Variants in ANO3 observed in about 807,000 individuals in gnomAD.
ANO3 encodes the protein anoctamin 3, also known as anoctamin-3.
In ANO3, 99 loss-of-function variants were observed where a neutral mutation model predicts 144.8. The observed-to-expected ratio is 0.68, with a 90% CI of 0.58 to 0.81. The LOEUF (loss-of-function observed/expected upper bound fraction) is 0.81, where lower values mean the gene tolerates loss of function less well. ANO3 is among the 30% of genes least tolerant of loss of function. The pLI, the probability that ANO3 is intolerant of heterozygous loss-of-function variation, is 0.00. For missense variants in ANO3, 905 were observed against 1,202.2 expected, an observed-to-expected ratio of 0.75 and a Z score of 3.66; for synonymous variants, 414 against 392.6, an observed-to-expected ratio of 1.05 and a Z score of -0.64.
chr11:26,304,761 T>C (rs1854333647), upstream of ANO3, among the ~76,000 whole-genome samples: 1 of 152,190 alleles, frequency 6.6e-6, no homozygotes, highest in South Asian at 2.1e-4. Flanking sequence ...ACACATAGTA[T>C]GGCAACAAAC....
At chr11:26,528,190 G>C (rs1054047325) in intron 7 of ANO3, among the ~76,000 whole-genome samples, 1 of 152,206 alleles carries the variant, frequency 6.6e-6, no homozygotes, top group Middle Eastern at 3.4e-3. Context: ...TTATAAACAC[G>C]TATTGAGTAC....
At chr11:26,551,791 T>C (rs1849939576) in intron 12 of ANO3, among the ~76,000 whole-genome samples, 1 of 151,988 alleles carries the variant, frequency 6.6e-6, no homozygotes, top group Non-Finnish European at 1.5e-5. Flanking sequence ...AGAGGAGATA[T>C]AATCTTCTCT....
chr11:26,319,848 A>G (rs545938136), intron 1 of ANO3, among the ~76,000 whole-genome samples: 2 of 151,038 alleles, frequency 1.3e-5, no homozygotes, highest in Non-Finnish European at 2.9e-5. Flanking sequence ...ATTTCTTTCT[A>G]TTTTATTTTT....
intron 4 of ANO3, among the ~76,000 whole-genome samples, chr11:26,499,648 C>T (rs554012661): frequency 5.9e-5 from 9 of 151,510 alleles, no homozygotes; most frequent in South Asian, 4.2e-4. Context: ...TGTTTTATTT[C>T]GATTTTTATG....
chr11:26,419,312 C>T (rs755197060), intron 1 of ANO3, among the ~76,000 whole-genome samples: 5 of 152,064 alleles, frequency 3.3e-5, no homozygotes, highest in Admixed American at 6.6e-5. Context: ...TTGGGTAGGA[C>T]GCAGATCCAA....
chr11:26,447,905 A>G lies in ANO3; in HGVS notation c.313+4069A>G, dbSNP rs117290777. Among the ~76,000 whole-genome samples the G allele has an allele frequency of 8.4e-3, 1,272 of 152,256 alleles. 12 individuals are homozygous for G. The highest frequency in any genetic ancestry group is 0.013 in the Non-Finnish European group (907 of 68,018). ...TTGCCTACGTTTTTTTCTTCTCAGTATGCTGGAAAATGACAAGGACACAGT... is the reference window on the plus strand; with the variant it reads ...TTGCCTACGTTTTTTTCTTCTCAGTGTGCTGGAAAATGACAAGGACACAGT... On this transcript the variant is annotated intron_variant, in intron 3 of 26. Transcript: ENST00000256737.
chr11:26,466,397 A>G (rs1295717011), intron 4 of ANO3, among the ~76,000 whole-genome samples: 2 of 151,986 alleles, frequency 1.3e-5, no homozygotes, highest in African/African-American at 4.8e-5. Context: ...GAGATTTTGC[A>G]GCTTTTCCCA....
At position 26,435,620 on chromosome 11, in the gene ANO3, TCTGA is replaced by T. The variant is rs1391700166; in HGVS notation, c.47-6294_47-6291del. ...TTTTATTCTTTGTTCTTTACTTTTGTCTGACTGTCTTCTTTAAGTCTTCAGGTTC... is the reference window on the plus strand; with the variant it reads ...TTTTATTCTTTGTTCTTTACTTTTGTCTGTCTTCTTTAAGTCTTCAGGTTC... On this transcript the variant is annotated intron_variant, in intron 1 of 26. Coordinates refer to ENST00000256737, the MANE Select transcript of ANO3 (RefSeq NM_031418.4). Among the ~76,000 whole-genome samples, 5 of 152,362 alleles carry T rather than the reference TCTGA, an allele frequency of 3.3e-5. No individual in the cohort carries two copies. In the East Asian group the frequency reaches 7.7e-4, roughly 24 times the overall value.
intron 1 of ANO3, among the ~76,000 whole-genome samples, chr11:26,197,629 G>A (rs1851616047): frequency 6.6e-6 from 1 of 152,070 alleles, no homozygotes; most frequent in Non-Finnish European, 1.5e-5. Context: ...GGGATTAAAG[G>A]TGTGAGCCAC....
At chr11:26,326,454 C>G (rs1854884609) in intron 1 of ANO3, among the ~76,000 whole-genome samples, 1 of 152,070 alleles carries the variant, frequency 6.6e-6, no homozygotes, top group Admixed American at 6.6e-5. Context: ...CCAAAAGGAT[C>G]AATATTTTTT....
chr11:26,565,271 A>C lies in ANO3; in HGVS notation c.1447+5492A>C, dbSNP rs1850523043. The C allele has an allele frequency of 2.5e-6, 4 of 1,601,900 alleles. No individual in the cohort carries two copies. In the South Asian group the frequency reaches 4.5e-5, roughly 18 times the overall value. On this transcript the variant is annotated intron_variant, in intron 14 of 26. Transcript: ENST00000256737. ...GATAAGGGGTAAACCCAGTGAAGCT[A>C]TCACTGTTTGTGGTAAGCCATCCAC...
chr11:26,191,310 A>G (rs1851471782), intron 1 of ANO3, among the ~76,000 whole-genome samples: 1 of 151,044 alleles, frequency 6.6e-6, no homozygotes, highest in African/African-American at 2.4e-5. Flanking sequence ...ATATATACAC[A>G]CACACACATA....
chr11:26,330,733 A>G (rs1355301459), upstream of ANO3, among the ~76,000 whole-genome samples: 1 of 152,230 alleles, frequency 6.6e-6, no homozygotes, highest in Non-Finnish European at 1.5e-5. Context: ...GCATCCATAA[A>G]TAATTGGAGC....
chr11:26,332,048 C>A, upstream of ANO3: 1 of 1,360,426 alleles, frequency 7.4e-7, no homozygotes, highest in Non-Finnish European at 9.7e-7. Flanking sequence ...GGGGTTGTTC[C>A]CAGAGTAGCC....
chr11:26,378,391 CTATA>C (rs1856474784), intron 1 of ANO3, among the ~76,000 whole-genome samples: 2 of 139,724 alleles, frequency 1.4e-5, no homozygotes, highest in South Asian at 2.3e-4. Context: ...TATATATAAT[CTATA>C]TATTATCTAT....
intron 1 of ANO3, among the ~76,000 whole-genome samples, chr11:26,362,597 T>G (rs964213830): frequency 1.3e-5 from 2 of 152,186 alleles, no homozygotes; most frequent in Admixed American, 1.3e-4. Context: ...CAAATTGTGC[T>G]CCTGGTGTAT....
rs59751659 is a variant in ANO3, at chr11:26,313,871, TTATAA to T, written c.-3+4175_-3+4179del. ...CTTAATATTTAAATGAAATTAAATA[TTATAA>T]TATAATATAATATAATATAATAAAA... On this transcript the variant is annotated intron_variant, in intron 1 of 26. Transcript: ENST00000525139. Among the ~76,000 whole-genome samples the T allele has an allele frequency of 2.4e-3, 348 of 147,518 alleles. 1 individual carries two copies. Among genetic ancestry groups the T allele is most frequent in the African/African-American group, 5.0e-3 (200 of 40,282 alleles).
chr11:26,641,663 G>T (rs1188926398), intron 21 of ANO3, among the ~76,000 whole-genome samples: 1 of 152,028 alleles, frequency 6.6e-6, no homozygotes, highest in Non-Finnish European at 1.5e-5. Context: ...GAAGGCTGGG[G>T]CCTACTCTCC....
intron 4 of ANO3, among the ~76,000 whole-genome samples, chr11:26,485,413 G>A (rs1353653075): frequency 6.6e-6 from 1 of 151,162 alleles, no homozygotes; most frequent in Non-Finnish European, 1.5e-5. Flanking sequence ...TTTTTTTCCT[G>A]CTCTGGCCAT....
Sources: gnomAD v4.1 joint callset for allele counts (sites outside exome capture counted in the v4.1 genomes callset) on GRCh38, gnomAD v4.1.1 for gene constraint, MANE v1.5 for transcripts, NCBI Gene and HGNC (gene_info 2026-07-23, HGNC 2026-07-21) for gene names.